SNX10: variants seen among roughly 807,000 people sequenced by gnomAD.
The protein encoded by SNX10 is sorting nexin-10.
In SNX10, 25 loss-of-function variants were observed where a neutral mutation model predicts 28.5. That is an observed-to-expected ratio of 0.88 (90% CI 0.64 to 1.22). The LOEUF is 1.22. Among genes scored for constraint, SNX10 ranks in the 50% most tolerant of loss-of-function variants. The pLI, the probability that SNX10 is intolerant of heterozygous loss-of-function variation, is 0.00. For missense variants in SNX10, 223 were observed against 242.6 expected (o/e 0.92, Z 0.54); for synonymous variants, 62 against 81.4 (o/e 0.76, Z 1.28).
Position 26,361,078 on chromosome 7 carries a change from T to C in SNX10, c.111+17T>C. On this transcript the variant is annotated intron_variant, in intron 3 of 6. Transcript: ENST00000338523. ...TGTATTCATGTAAGTATGTAGTCAG[T>C]AGAAATAGTAATTTTGAGGGACTTT... 1 of 1,570,882 alleles carries C rather than the reference T, an allele frequency of 6.4e-7. No individual in the cohort carries two copies. Among genetic ancestry groups the C allele is most frequent in the Non-Finnish European group, 8.6e-7 (1 of 1,157,516 alleles).
intron 1 of SNX10, among the ~76,000 whole-genome samples, chr7:26,331,648 A>C (rs1218159750): frequency 6.6e-6 from 1 of 152,238 alleles, no homozygotes; most frequent in Non-Finnish European, 1.5e-5. Flanking sequence ...TGTTTGGTAT[A>C]TTCACAGATA....
At chr7:26,336,054 G>A (rs1170398328) in intron 1 of SNX10, among the ~76,000 whole-genome samples, 1 of 152,184 alleles carries the variant, frequency 6.6e-6, no homozygotes, top group Admixed American at 6.5e-5. Flanking sequence ...AGAGATGAAA[G>A]TAAGGAGTCA....
chr7:26,364,566 C>G lies in SNX10; in HGVS notation c.143C>G (p.Ser48Cys), dbSNP rs757782215. Reference protein sequence around the residue: ...TNSMCFTMKTSCVRRRYREFV... With the variant: ...TNSMCFTMKTCCVRRRYREFV... The stretch of plus-strand genomic sequence containing the variant: ...AGCATGTGTTTTACAATGAAAACAT[C>G]CTGTGTACGAAGAAGATATAGAGAA... The change falls in exon 4 of 7, where the codon TCC becomes TGC. Residue 48 changes from serine (S) to cysteine (C), a missense_variant. By Grantham distance (112) the Ser-to-Cys change is moderately radical. Coordinates refer to ENST00000338523, the MANE Select transcript of SNX10 (RefSeq NM_013322.3). This position sits in a 1 kb window ranked among gnomAD's most constrained non-coding sequence, Gnocchi z 4.9. 3 of 1,613,836 alleles carry G rather than the reference C, an allele frequency of 1.9e-6. No individual in the cohort carries two copies. The highest frequency in any genetic ancestry group is 3.3e-5 in the Admixed American group (2 of 59,988).
chr7:26,324,279 G>A (rs984233915), intron 1 of SNX10, among the ~76,000 whole-genome samples: 4 of 151,536 alleles, frequency 2.6e-5, no homozygotes, highest in South Asian at 4.2e-4. Flanking sequence ...GAAAAAAACC[G>A]TAAGGAAGTA....
chr7:26,318,593 G>A (rs116503874), intron 1 of SNX10, among the ~76,000 whole-genome samples: 107 of 152,072 alleles, frequency 7.0e-4, no homozygotes, highest in African/African-American at 2.4e-3. Flanking sequence ...TTAGCCTCCC[G>A]GGTAGCTGGG....
chr7:26,298,034 C>T (rs946106355), intron 1 of SNX10, among the ~76,000 whole-genome samples: 2 of 152,206 alleles, frequency 1.3e-5, no homozygotes, highest in Admixed American at 1.3e-4. Flanking sequence ...AGTTCGAGAC[C>T]AGCCTGGCCA....
chr7:26,359,940 G>A (rs1789000118), intron 2 of SNX10, among the ~76,000 whole-genome samples: 1 of 152,152 alleles, frequency 6.6e-6, no homozygotes, highest in African/African-American at 2.4e-5. Context: ...ACAGGCGTAA[G>A]CCACTGCGCC....
At chr7:26,354,705 A>G (rs1287419659) in intron 2 of SNX10, among the ~76,000 whole-genome samples, 2 of 151,438 alleles carry the variant, frequency 1.3e-5, no homozygotes, top group African/African-American at 4.9e-5. Flanking sequence ...TTTTTAAAAT[A>G]TATTCTAGAT....
At chr7:26,314,375 C>T (rs1290800080) in intron 1 of SNX10, among the ~76,000 whole-genome samples, 1 of 152,056 alleles carries the variant, frequency 6.6e-6, no homozygotes, top group Non-Finnish European at 1.5e-5. Flanking sequence ...CTGCCTCAGC[C>T]TCCCGAGTAG....
At chr7:26,369,991 G>A (rs765848313) in intron 5 of SNX10, among the ~76,000 whole-genome samples, 12 of 152,192 alleles carry the variant, frequency 7.9e-5, no homozygotes, top group South Asian at 6.2e-4. Context: ...ATTGGCATTA[G>A]TGCTCATTAC....
intron 5 of SNX10, among the ~76,000 whole-genome samples, chr7:26,370,017 C>T (rs1789452994): frequency 6.6e-6 from 1 of 152,116 alleles, no homozygotes; most frequent in Non-Finnish European, 1.5e-5. Flanking sequence ...TGGTGTAATG[C>T]CTCAAACCAT....
At chr7:26,353,118 A>T (rs191070774) in intron 2 of SNX10, among the ~76,000 whole-genome samples, 8 of 152,200 alleles carry the variant, frequency 5.3e-5, no homozygotes, top group African/African-American at 1.9e-4. Flanking sequence ...AGGCAGGTCT[A>T]GCTAAATCTC....
rs139358820 is a variant in SNX10 at position 26,320,981 on chromosome 7, T to A, written c.-23-25439T>A. Among the ~76,000 whole-genome samples the A allele has an allele frequency of 6.9e-3, 1,055 of 152,296 alleles. 13 individuals are homozygous for A. The highest frequency in any genetic ancestry group is 7.0e-3 in the Admixed American group (107 of 15,296). ...TAACTCTTCCAGTTATAAACATGGC[T>A]CAGTGAGCAGCTGACACATGTGGCT... is the stretch of plus-strand genomic sequence containing the variant. On this transcript the variant is annotated intron_variant, in intron 1 of 6. Transcript: ENST00000338523.
At chr7:26,360,784 G>A (rs918066572) in intron 2 of SNX10, 191 bp from the exon 3 acceptor site, 75 of 982,870 alleles carry the variant, frequency 7.6e-5, no homozygotes, top group Admixed American at 3.1e-4. Flanking sequence ...CCATTATGTG[G>A]CAAAAGTGTG....
At chr7:26,349,185 G>A (rs1037346499) in intron 2 of SNX10, among the ~76,000 whole-genome samples, 3 of 152,152 alleles carry the variant, frequency 2.0e-5, no homozygotes, top group African/African-American at 4.8e-5. Flanking sequence ...GAGTATGGAA[G>A]CACTTTTCTC....
At chr7:26,292,606 G>A (rs1298537663) in intron 1 of SNX10, among the ~76,000 whole-genome samples, 1 of 152,112 alleles carries the variant, frequency 6.6e-6, no homozygotes, top group East Asian at 1.9e-4. Flanking sequence ...CAGATTTGGT[G>A]ACCAGGAAAG....
At chr7:26,351,666 T>C (rs1370344493) in intron 2 of SNX10, among the ~76,000 whole-genome samples, 1 of 144,404 alleles carries the variant, frequency 6.9e-6, no homozygotes, top group South Asian at 2.3e-4. Context: ...TTTGTTTTTT[T>C]TTTTTTTTGA....
intron 1 of SNX10, among the ~76,000 whole-genome samples, chr7:26,345,348 T>C (rs1788340062): frequency 6.6e-6 from 1 of 152,134 alleles, no homozygotes; most frequent in South Asian, 2.1e-4. Flanking sequence ...GCTCCTCCGC[T>C]CCCCTGGAGG....
Position 26,364,594 on chromosome 7 carries a change from C to G in SNX10, c.171C>G (p.Phe57Leu), listed in dbSNP as rs192013192. 1 of 1,613,838 alleles carries G rather than the reference C, an allele frequency of 6.2e-7. No homozygotes were observed. The highest frequency in any genetic ancestry group is 8.5e-7 in the Non-Finnish European group (1 of 1,179,876). The change falls in exon 4 of 7, where the codon TTC (phenylalanine) becomes TTG (leucine). Residue 57 changes from phenylalanine to leucine, a missense_variant. Phe to Leu is a conservative substitution (Grantham distance 22, BLOSUM62 0). Transcript: ENST00000338523. This position sits in a 1 kb window ranked among gnomAD's most constrained non-coding sequence, Gnocchi z 4.9. ...TSCVRRRYRE[F>L]VWLRQRLQSN... ...GTGTACGAAGAAGATATAGAGAATTCGTGTGGCTGAGGCAGAGACTCCAAA... is the reference window on the plus strand; with the variant it reads ...GTGTACGAAGAAGATATAGAGAATTGGTGTGGCTGAGGCAGAGACTCCAAA...
Sources: gnomAD v4.1 joint callset for allele counts (sites outside exome capture counted in the v4.1 genomes callset) on GRCh38, gnomAD v4.1.1 for gene constraint, Gnocchi (gnomAD v3.1) non-coding constraint, MANE v1.5 for transcripts, NCBI Gene and HGNC (gene_info 2026-07-23, HGNC 2026-07-21) for gene names.